The following CLMN variants were observed in gnomAD, a reference collection of about 807,000 sequenced individuals.
CLMN encodes calmin.
Under a neutral mutation model 92.7 loss-of-function variants are expected in CLMN, and 57 were observed. That is an observed-to-expected ratio of 0.61 (90% confidence interval 0.50 to 0.77). The LOEUF is 0.77. CLMN is among the 30% of genes least tolerant of loss of function. The pLI is 0.00. For synonymous variants in CLMN, 466 were observed against 470.6 expected (o/e 0.99, Z 0.13); for missense variants, 1,158 against 1,237.5 (o/e 0.94, Z 0.96).
intron 6 of CLMN, among the ~76,000 whole-genome samples, 198 bp downstream of exon 6, chr14:95,213,021 T>C (rs552954643): frequency 1.3e-5 from 2 of 152,270 alleles, no homozygotes; most frequent in South Asian, 4.1e-4. Context: ...ATCCCTGACC[T>C]GGTGATCCAC....
intron 1 of CLMN, among the ~76,000 whole-genome samples, chr14:95,233,511 T>C (rs1233471084): frequency 6.6e-6 from 1 of 152,190 alleles, no homozygotes. Context: ...GTAATTACCA[T>C]ATTCTGGAAA....
chr14:95,223,430 C>T (rs763490416), intron 3 of CLMN, among the ~76,000 whole-genome samples: 55 of 152,210 alleles, frequency 3.6e-4, no homozygotes, highest in African/African-American at 1.3e-3. Flanking sequence ...AGGCCTTTCT[C>T]TTCCAATTTT....
chr14:95,210,744 C>G lies in CLMN; in HGVS notation c.744G>C (p.Glu248Asp). 1.2e-6 allele frequency: 2 copies of G among 1,610,026 alleles called. No homozygotes were observed. Among genetic ancestry groups the G allele is most frequent in the Non-Finnish European group, 1.7e-6 (2 of 1,178,198 alleles). Residue 248 changes from glutamate to aspartate, a missense_variant, in exon 7 of 13, where the codon GAG becomes GAC. Coordinates refer to ENST00000298912, the MANE Select transcript of CLMN (RefSeq NM_024734.4). ...ALENSTRENL[E>D]KAFSIAQDAL... ...CATCCTGTGCGATGCTGAAAGCCTT[C>G]TCTAGATTTTCTCGTGTGGAATTTT...
intron 1 of CLMN, among the ~76,000 whole-genome samples, chr14:95,286,660 C>T (rs1900355254): frequency 1.3e-5 from 2 of 151,764 alleles, no homozygotes; most frequent in Non-Finnish European, 2.9e-5. Flanking sequence ...TGTTTTCACC[C>T]AAAATAAAAA....
intron 12 of CLMN, chr14:95,193,450 G>C (rs989935439): frequency 2.2e-6 from 3 of 1,354,548 alleles, no homozygotes; most frequent in Non-Finnish European, 3.0e-6. Flanking sequence ...AGGCGTCAGG[G>C]GCTACAGCAT....
chr14:95,201,176 T>C (rs1432456507), intron 9 of CLMN, among the ~76,000 whole-genome samples: 1 of 151,348 alleles, frequency 6.6e-6, no homozygotes. Flanking sequence ...TTTAAAAATA[T>C]ATATATATAT....
In CLMN at chr14:95,190,628, C is replaced by G. The variant is rs919875708; in HGVS notation, c.*936G>C. ...GCTCCCGGAGTGCTGTCCAGAAAGCCTCTTCAAGAAACCCATTACAAGTGA... is the reference window on the plus strand; with the variant it reads ...GCTCCCGGAGTGCTGTCCAGAAAGCGTCTTCAAGAAACCCATTACAAGTGA... On this transcript the variant is annotated 3_prime_UTR_variant, in exon 13 of 13. Coordinates refer to ENST00000298912, the MANE Select transcript of CLMN (RefSeq NM_024734.4). The G allele has an allele frequency of 6.6e-6, 1 of 152,276 alleles. No individual in the cohort carries two copies. The highest frequency in any genetic ancestry group is 1.5e-5 in the Non-Finnish European group (1 of 68,134). The allele number at this position is 152,276 out of a possible 1,614,324, so 9.4% of individuals were successfully genotyped here. A position where few individuals can be genotyped will look rare whatever the true frequency, so the allele number is the denominator to read the frequency against.
intron 1 of CLMN, among the ~76,000 whole-genome samples, chr14:95,231,187 C>G (rs569347759): frequency 1.3e-5 from 2 of 151,542 alleles, no homozygotes; most frequent in South Asian, 4.2e-4. Flanking sequence ...GCATTAAATC[C>G]TCTAACTTTT....
chr14:95,245,208 TTA>T (rs1225641854), intron 1 of CLMN, among the ~76,000 whole-genome samples: 770 of 19,714 alleles, frequency 0.039, 54 homozygotes, highest in East Asian at 0.31. Context: ...TATATATATA[TTA>T]TATATATATA....
chr14:95,259,682 C>T lies in CLMN; in HGVS notation c.83-29549G>A, dbSNP rs1899173832. On this transcript the variant is annotated intron_variant, in intron 1 of 12. Coordinates refer to ENST00000298912, the MANE Select transcript of CLMN (RefSeq NM_024734.4). The surrounding 1 kb of genome is among the most constrained non-coding windows in gnomAD (Gnocchi z 4.3). ...AGGTGGGACCAGCACAGGGCAGATACCTGTTCTGAACTATGGGCATCTGCT... is the reference window on the plus strand; with the variant it reads ...AGGTGGGACCAGCACAGGGCAGATATCTGTTCTGAACTATGGGCATCTGCT... 6.6e-6 allele frequency among the ~76,000 whole-genome samples: 1 copy of T among 152,158 alleles called. No homozygotes were observed. Among genetic ancestry groups the T allele is most frequent in the South Asian group, 2.1e-4 (1 of 4,830 alleles).
chr14:95,235,348 GCA>G (rs1190193557), intron 1 of CLMN, among the ~76,000 whole-genome samples: 1 of 152,188 alleles, frequency 6.6e-6, no homozygotes, highest in Non-Finnish European at 1.5e-5. Flanking sequence ...TGATGAGGAT[GCA>G]CAGTTTGGAA....
intron 1 of CLMN, among the ~76,000 whole-genome samples, chr14:95,289,367 C>T (rs1347315762): frequency 6.6e-6 from 1 of 151,876 alleles, no homozygotes; most frequent in Non-Finnish European, 1.5e-5. Context: ...GTGGGGCGTG[C>T]CTGTAGTCCC....
chr14:95,206,053 C>A, intron 8 of CLMN, among the ~76,000 whole-genome samples: 1 of 152,036 alleles, frequency 6.6e-6, no homozygotes, highest in Non-Finnish European at 1.5e-5. Context: ...AAGAGACATA[C>A]TTTAAATATA....
At chr14:95,275,764 G>A (rs1233652495) in intron 1 of CLMN, among the ~76,000 whole-genome samples, 2 of 152,218 alleles carry the variant, frequency 1.3e-5, no homozygotes, top group African/African-American at 4.8e-5. Flanking sequence ...CCATGCTCAA[G>A]TGATTCTCCT....
At chr14:95,193,335 G>A (rs749289083) in intron 12 of CLMN, 3 of 1,533,860 alleles carry the variant, frequency 2.0e-6, no homozygotes, top group Non-Finnish European at 1.7e-6. Context: ...AGACATCCTG[G>A]CATGTTTGCT....
chr14:95,252,259 C>A (rs1027299575), intron 1 of CLMN, among the ~76,000 whole-genome samples: 1 of 152,206 alleles, frequency 6.6e-6, no homozygotes, highest in African/African-American at 2.4e-5. Context: ...CGACCATTTA[C>A]CAGCTCTGAG....
intron 9 of CLMN, among the ~76,000 whole-genome samples, chr14:95,200,362 CTTTTT>C (rs571723480): frequency 2.0e-5 from 3 of 152,156 alleles, no homozygotes; most frequent in Non-Finnish European, 4.4e-5. Flanking sequence ...GATTTTCCTT[CTTTTT>C]TTATCTTCCT....
intron 1 of CLMN, among the ~76,000 whole-genome samples, chr14:95,248,583 C>T (rs903722860): frequency 2.0e-5 from 3 of 152,208 alleles, no homozygotes; most frequent in Non-Finnish European, 4.4e-5. Flanking sequence ...AAATCATTAG[C>T]AGAAGTATTC....
chr14:95,300,089 C>T (rs1900981492), intron 1 of CLMN, among the ~76,000 whole-genome samples: 1 of 152,242 alleles, frequency 6.6e-6, no homozygotes, highest in South Asian at 2.1e-4. Flanking sequence ...GGAAAGCAGC[C>T]TCCCGTCTCC....
Sources: allele counts gnomAD v4.1 joint callset (sites outside exome capture counted in the v4.1 genomes callset), GRCh38; gene constraint gnomAD v4.1.1; non-coding constraint Gnocchi (gnomAD v3.1); transcripts MANE v1.5; gene names NCBI Gene and HGNC (gene_info 2026-07-23, HGNC 2026-07-21).